MKLN1: variants seen among roughly 807,000 people sequenced by gnomAD.
MKLN1 encodes the protein muskelin.
A neutral mutation model predicts 99.0 loss-of-function variants in MKLN1; 18 were observed. The ratio of observed to expected loss-of-function variants is 0.18; its 90% confidence interval spans 0.13 to 0.27. The LOEUF (loss-of-function observed/expected upper bound fraction) is 0.27. MKLN1 is among the 10% of genes least tolerant of loss of function. MKLN1 has a pLI of 1.00. For synonymous variants in MKLN1, 288 were observed against 293.2 expected (o/e 0.98, Z 0.18); for missense variants, 621 against 875.9 (o/e 0.71, Z 3.67).
chr7:131,170,142 T>A (rs4286885), intron 2 of MKLN1, among the ~76,000 whole-genome samples: 2 of 152,052 alleles, frequency 1.3e-5, no homozygotes, highest in Non-Finnish European at 2.9e-5. Context: ...TGACATAGAC[T>A]TGAGGAGTCA....
At chr7:131,352,543 T>G (rs1799750558) in intron 1 of MKLN1, among the ~76,000 whole-genome samples, 1 of 152,194 alleles carries the variant, frequency 6.6e-6, no homozygotes, top group African/African-American at 2.4e-5. Context: ...TGAAAATGTT[T>G]CCCAGTATTA....
intron 3 of MKLN1, among the ~76,000 whole-genome samples, chr7:131,298,243 C>A (rs1798324370): frequency 6.6e-6 from 1 of 151,838 alleles, no homozygotes; most frequent in Admixed American, 6.6e-5. Context: ...TGCACTCCAG[C>A]CTGGGCGACA....
At chr7:131,468,180 A>G (rs1796711650) in intron 15 of MKLN1, among the ~76,000 whole-genome samples, 2 of 152,242 alleles carry the variant, frequency 1.3e-5, no homozygotes, top group African/African-American at 2.4e-5. Flanking sequence ...TGATATGGGT[A>G]TGAGAGAAAG....
intron 17 of MKLN1, among the ~76,000 whole-genome samples, chr7:131,486,353 C>T (rs1218960528): frequency 6.6e-6 from 1 of 151,940 alleles, no homozygotes; most frequent in Non-Finnish European, 1.5e-5. Flanking sequence ...CATTCATTTC[C>T]ATGATCCGAT....
Position 131,327,964 on chromosome 7 carries a change from A to G in MKLN1, c.65A>G (p.Lys22Arg), listed in dbSNP as rs765728434. ...ECRLLPYALHKWSSFSSTYLP... is the reference protein window; with the variant it reads ...ECRLLPYALHRWSSFSSTYLP... ...CGGCTTCTCCCCTACGCGCTACACA[A>G]GTGGAGCTCCTTTTCCTCCACCTAC... The change falls in exon 1 of 18, where the codon AAG (lysine) becomes AGG (arginine). Residue 22 changes from lysine (K) to arginine (R), a missense_variant. Lys to Arg is a conservative substitution (Grantham distance 26). Transcript: ENST00000352689. 6.2e-7 allele frequency: 1 copy of G among 1,613,804 alleles called. No homozygotes were observed.
chr7:131,281,043 CT>C lies in MKLN1; in HGVS notation c.-179+78073del, dbSNP rs555253678. 7.8e-4 allele frequency among the ~76,000 whole-genome samples: 118 copies of C among 152,168 alleles called. 1 individual carries two copies. The highest frequency in any genetic ancestry group is 6.8e-3 in the Middle Eastern group (2 of 294). ...GTTACTTGAAGAACAAAAGATTTTACTTTTGAAGTTCAATTTATCTATTTTT... is the reference window on the plus strand; with the variant it reads ...GTTACTTGAAGAACAAAAGATTTTACTTTGAAGTTCAATTTATCTATTTTT... On this transcript the variant is annotated intron_variant, in intron 3 of 7. Coordinates refer to the MKLN1 transcript ENST00000416992.
chr7:131,324,053 G>C (rs895223646), upstream of MKLN1, among the ~76,000 whole-genome samples: 2 of 152,084 alleles, frequency 1.3e-5, no homozygotes, highest in Non-Finnish European at 2.9e-5. Context: ...TGAGACAGAG[G>C]TGAAAAAAAC....
chr7:131,312,866 A>G (rs997953992), intron 3 of MKLN1, among the ~76,000 whole-genome samples: 1 of 152,186 alleles, frequency 6.6e-6, no homozygotes, highest in African/African-American at 2.4e-5. Flanking sequence ...AGTGCTATGG[A>G]GACAATGCCT....
chr7:131,206,391 G>T (rs1294118334), intron 3 of MKLN1, among the ~76,000 whole-genome samples: 1 of 152,064 alleles, frequency 6.6e-6, no homozygotes, highest in Non-Finnish European at 1.5e-5. Flanking sequence ...TAAGGAAATA[G>T]TTACTCAGTT....
At position 131,470,933 on chromosome 7, in the gene MKLN1, G is replaced by A; in HGVS notation, c.2020G>A (p.Glu674Lys). 6.3e-7 allele frequency: 1 copy of A among 1,595,788 alleles called. No homozygotes were observed. Among genetic ancestry groups the A allele is most frequent in the Non-Finnish European group, 8.6e-7 (1 of 1,167,882 alleles). ...YITVDHSDPE[E>K]TKEFQLLASA... ...AACTGTGGATCATTCAGACCCAGAA[G>A]AGACAAAAGAGGTAAAGAAAGGTGG... Residue 674 changes from glutamate to lysine, a missense_variant, in exon 16 of 18, where the codon GAG becomes AAG. Glu to Lys is a moderately conservative substitution (Grantham distance 56). Coordinates refer to ENST00000352689, the MANE Select transcript of MKLN1 (RefSeq NM_013255.5).
intron 17 of MKLN1, among the ~76,000 whole-genome samples, chr7:131,479,826 CAAAA>C (rs1797068358): frequency 6.9e-6 from 1 of 144,506 alleles, no homozygotes; most frequent in East Asian, 2.1e-4. Context: ...GACTCCGTCT[CAAAA>C]AATAATAATA....
intron 3 of MKLN1, among the ~76,000 whole-genome samples, chr7:131,308,150 G>T (rs925434658): frequency 8.6e-5 from 13 of 151,980 alleles, no homozygotes; most frequent in African/African-American, 3.1e-4. Flanking sequence ...AAAGGTACTT[G>T]CTTCTCCTTT....
chr7:131,322,574 T>C (rs1798801356), intron 3 of MKLN1, among the ~76,000 whole-genome samples: 1 of 145,868 alleles, frequency 6.9e-6, no homozygotes, highest in African/African-American at 2.6e-5. Flanking sequence ...TTTTTTTTTT[T>C]TTTTTTTGAG....
rs188804978 is a variant in MKLN1 at position 131,163,180 on chromosome 7, T to C, written c.-297+20239T>C. ...TAGTCCAGAAATGTAACCCAAGTGA[T>C]AGAAAAATGGTTAGGATCATTAGCT... is the stretch of plus-strand genomic sequence containing the variant. On this transcript the variant is annotated intron_variant, in intron 2 of 7. Transcript: ENST00000416992. Among the ~76,000 whole-genome samples, 53 of 152,330 alleles carry C rather than the reference T, an allele frequency of 3.5e-4. 1 individual carries two copies. Among genetic ancestry groups the C allele is most frequent in the African/African-American group, 1.1e-3 (46 of 41,574 alleles).
chr7:131,171,480 C>T (rs1185625951), intron 2 of MKLN1, among the ~76,000 whole-genome samples: 4 of 150,702 alleles, frequency 2.7e-5, no homozygotes, highest in East Asian at 1.9e-4. Context: ...TTTTTGGGAT[C>T]GTGTTTCGCT....
chr7:131,262,663 C>A (rs1347940260), intron 3 of MKLN1, among the ~76,000 whole-genome samples: 1 of 151,700 alleles, frequency 6.6e-6, no homozygotes, highest in Non-Finnish European at 1.5e-5. Context: ...CGATTCTCCT[C>A]CCTCAGCCTC....
chr7:131,355,847 A>T (rs1203839745), intron 1 of MKLN1, among the ~76,000 whole-genome samples: 1 of 151,036 alleles, frequency 6.6e-6, no homozygotes, highest in Non-Finnish European at 1.5e-5. Flanking sequence ...TTCTAACTAA[A>T]TTCTTCTATT....
chr7:131,457,872 G>A (rs1422270624), intron 12 of MKLN1, among the ~76,000 whole-genome samples: 1 of 152,078 alleles, frequency 6.6e-6, no homozygotes, highest in African/African-American at 2.4e-5. Context: ...CTGAGATCGT[G>A]CCACTGGACT....
At chr7:131,234,346 A>C (rs1797285991) in intron 3 of MKLN1, among the ~76,000 whole-genome samples, 1 of 152,220 alleles carries the variant, frequency 6.6e-6, no homozygotes, top group East Asian at 1.9e-4. Context: ...TAAATTCATT[A>C]GTTGTAACTT....
Sources: gnomAD v4.1 joint callset for allele counts (sites outside exome capture counted in the v4.1 genomes callset) on GRCh38, gnomAD v4.1.1 for gene constraint, MANE v1.5 for transcripts, NCBI Gene and HGNC (gene_info 2026-07-23, HGNC 2026-07-21) for gene names.